Variants in UGT3A2 observed in about 807,000 individuals in gnomAD.
The protein encoded by UGT3A2 is UDP glycosyltransferase family 3 member A2.
A neutral mutation model predicts 39.8 loss-of-function variants in UGT3A2; 32 were observed. The ratio of observed to expected loss-of-function variants is 0.80; its 90% CI spans 0.61 to 1.08. UGT3A2 has a LOEUF of 1.08. Among genes scored for constraint, UGT3A2 ranks in the 50% least tolerant of loss-of-function variants. The pLI is 0.00. For synonymous variants in UGT3A2, 241 were observed against 230.7 expected, an observed-to-expected ratio of 1.04 and a Z score of -0.40; for missense variants, 611 against 637.1, an observed-to-expected ratio of 0.96 and a Z score of 0.44.
At chr5:36,052,014 A>AG in intron 2 of UGT3A2, 30 bp from the exon 3 acceptor site, 2 of 1,398,492 alleles carry the variant, frequency 1.4e-6, no homozygotes, top group East Asian at 4.7e-5. Flanking sequence ...TTAAAAAAAA[A>AG]GTTAAATATG....
At chr5:36,041,141 C>T (rs943057533) in intron 4 of UGT3A2, among the ~76,000 whole-genome samples, 1 of 152,092 alleles carries the variant, frequency 6.6e-6, no homozygotes. Flanking sequence ...AAATAAACAT[C>T]AGCAGTAGCC....
At chr5:36,065,849 C>T (rs185673970) in intron 1 of UGT3A2, among the ~76,000 whole-genome samples, 2 of 152,086 alleles carry the variant, frequency 1.3e-5, no homozygotes. Context: ...CCCAGCCCTA[C>T]GAGCCCTAAT....
rs753877719 is a variant in UGT3A2 at position 36,035,973 on chromosome 5, A to G, written c.1297T>C (p.Tyr433His). ...KMKQIMEDKRYKSAAVAASVI... is the reference protein window; with the variant it reads ...KMKQIMEDKRHKSAAVAASVI... ...CTGGCAGCCACTGCCGCGGACTTGTATCTGTTGAGAGAGATAGAGAGGGGG... is the reference window on the plus strand; with the variant it reads ...CTGGCAGCCACTGCCGCGGACTTGTGTCTGTTGAGAGAGATAGAGAGGGGG... The change falls in exon 7 of 7, where the codon TAC becomes CAC. Residue 433 changes from tyrosine to histidine, a missense_variant and splice_region_variant. Coordinates refer to ENST00000282507, the MANE Select transcript of UGT3A2 (RefSeq NM_174914.4). 2 of 1,613,334 alleles carry G rather than the reference A, an allele frequency of 1.2e-6. No homozygotes were observed. Among genetic ancestry groups the G allele is most frequent in the South Asian group, 2.2e-5 (2 of 91,044 alleles).
chr5:36,040,268 C>T (rs1337870953), intron 4 of UGT3A2, among the ~76,000 whole-genome samples: 1 of 152,088 alleles, frequency 6.6e-6, no homozygotes, highest in African/African-American at 2.4e-5. Flanking sequence ...AAATTATAAC[C>T]ACAGAAAAAT....
At chr5:36,058,524 G>A (rs1581016068) in intron 2 of UGT3A2, among the ~76,000 whole-genome samples, 1 of 152,116 alleles carries the variant, frequency 6.6e-6, no homozygotes, top group Non-Finnish European at 1.5e-5. Flanking sequence ...GCATGCTGAA[G>A]GCAGTCACGC....
intron 6 of UGT3A2, among the ~76,000 whole-genome samples, chr5:36,036,649 C>T (rs186822914): frequency 1.1e-3 from 174 of 152,266 alleles, no homozygotes; most frequent in African/African-American, 4.1e-3. Flanking sequence ...CAGAAAATGA[C>T]CAACTGCAAT....
At chr5:36,064,398 T>C (rs754806018) in intron 1 of UGT3A2, 48 bp from the exon 2 acceptor site, 4 of 1,509,002 alleles carry the variant, frequency 2.7e-6, no homozygotes, top group Non-Finnish European at 3.7e-6. Context: ...GAATACAGTG[T>C]CTGAAGTCAG....
chr5:36,052,741 A>G (rs1473384471), intron 2 of UGT3A2, among the ~76,000 whole-genome samples: 1 of 152,176 alleles, frequency 6.6e-6, no homozygotes. Context: ...TATTCTGAAA[A>G]AAAGAAAAAA....
chr5:36,048,488 G>A (rs923589208), intron 4 of UGT3A2, among the ~76,000 whole-genome samples: 2 of 152,194 alleles, frequency 1.3e-5, no homozygotes, highest in African/African-American at 4.8e-5. Context: ...CGAATCCATA[G>A]TGTTGTCATT....
At chr5:36,049,629 C>T (rs1742279794) in intron 3 of UGT3A2, among the ~76,000 whole-genome samples, 1 of 152,166 alleles carries the variant, frequency 6.6e-6, no homozygotes, top group Admixed American at 6.5e-5. Context: ...CTTCTCCCTT[C>T]CCCTTTTCTC....
Position 36,042,350 on chromosome 5 carries a change from G to A in UGT3A2, c.844-2642C>T, listed in dbSNP as rs1447188243. 2.6e-5 allele frequency among the ~76,000 whole-genome samples: 4 copies of A among 152,038 alleles called. No homozygotes were observed. In the East Asian group the frequency reaches 7.7e-4, roughly 29 times the overall value. ...ATGGGTTATAAGATGTTACTTGCAA[G>A]CCTTGTAGTAACCTCAAATCACAAA... On this transcript the variant is annotated intron_variant, in intron 4 of 6. Transcript: ENST00000282507.
At chr5:36,059,255 A>G (rs1742609055) in intron 2 of UGT3A2, among the ~76,000 whole-genome samples, 1 of 152,212 alleles carries the variant, frequency 6.6e-6, no homozygotes, top group African/African-American at 2.4e-5. Context: ...GCAGCAACAT[A>G]AGGTCAGTGT....
chr5:36,064,249 C>T lies in UGT3A2; in HGVS notation c.196G>A (p.Asp66Asn), dbSNP rs1478990635. ...LNHKRGPFMP[D>N]FKKEEKSYQV... The stretch of plus-strand genomic sequence containing the variant: ...AATCAAGAAAAGTGAGAAAAGATAC[C>T]TGGCATAAAAGGACCTCTTTTGTGG... The change falls in exon 2 of 7, where the codon GAT becomes AAT. Residue 66 changes from aspartate to asparagine, a missense_variant and splice_region_variant. Physicochemically the swap from Asp to Asn is conservative, Grantham distance 23. Transcript: ENST00000282507. 6.2e-7 allele frequency: 1 copy of T among 1,613,318 alleles called. No individual in the cohort carries two copies. Among genetic ancestry groups the T allele is most frequent in the African/African-American group, 1.3e-5 (1 of 74,886 alleles).
At chr5:36,063,279 C>T (rs530602584) in intron 2 of UGT3A2, among the ~76,000 whole-genome samples, 127 of 152,206 alleles carry the variant, frequency 8.3e-4, no homozygotes, top group African/African-American at 3.0e-3. Context: ...GTCCTAAATC[C>T]ACCCAACTCT....
intron 2 of UGT3A2, among the ~76,000 whole-genome samples, chr5:36,053,684 C>G (rs565669640): frequency 1.3e-5 from 2 of 152,292 alleles, no homozygotes; most frequent in Admixed American, 1.3e-4. Flanking sequence ...TAACACAACA[C>G]AAGGTATTGT....
chr5:36,060,023 A>G (rs1276475635), intron 2 of UGT3A2, among the ~76,000 whole-genome samples: 1 of 152,200 alleles, frequency 6.6e-6, no homozygotes, highest in African/African-American at 2.4e-5. Flanking sequence ...ATGAGGACCA[A>G]CTGGAGTCAC....
intron 4 of UGT3A2, among the ~76,000 whole-genome samples, chr5:36,042,898 T>C (rs989273667): frequency 6.6e-6 from 1 of 152,000 alleles, no homozygotes; most frequent in Non-Finnish European, 1.5e-5. Flanking sequence ...GCAAACATTA[T>C]TAGAGGTAAA....
Position 36,066,809 on chromosome 5 carries a change from G to A in UGT3A2, c.-20C>T, listed in dbSNP as rs750620079. 8 of 1,614,072 alleles carry A rather than the reference G, an allele frequency of 5.0e-6. No homozygotes were observed. Among genetic ancestry groups the A allele is most frequent in the South Asian group, 1.1e-5 (1 of 91,084 alleles). On this transcript the variant is annotated 5_prime_UTR_variant, in exon 1 of 7. Transcript: ENST00000282507. ...AGCCATGCTCACTTCTACGGAAGCC[G>A]CGGATCTCAGCCTGGGCTGCGCGCC...
intron 2 of UGT3A2, 95 bp downstream of exon 2, chr5:36,064,154 G>C: frequency 1.3e-5 from 15 of 1,168,782 alleles, no homozygotes; most frequent in Non-Finnish European, 1.8e-5. Context: ...AATTGAATTA[G>C]ATTTTTAAAA....
Sources: gnomAD v4.1 joint callset for allele counts (sites outside exome capture counted in the v4.1 genomes callset) on GRCh38, gnomAD v4.1.1 for gene constraint, MANE v1.5 for transcripts, NCBI Gene and HGNC (gene_info 2026-07-23, HGNC 2026-07-21) for gene names.